The following MTMR9 variants were observed in gnomAD, a reference collection of about 807,000 sequenced individuals.
MTMR9 encodes the protein myotubularin related protein 9.
MTMR9 carries 39 observed loss-of-function variants against 69.5 expected under a neutral mutation model. That is an observed-to-expected ratio of 0.56 (90% CI 0.43 to 0.73). The LOEUF is 0.73. Ranked by LOEUF, MTMR9 falls within the 30% of genes least tolerant of loss-of-function variation. MTMR9 has a pLI of 0.00. For synonymous variants in MTMR9, 354 were observed against 240.8 expected, an observed-to-expected ratio of 1.47 and a Z score of -4.35; for missense variants, 900 against 671.2, an observed-to-expected ratio of 1.34 and a Z score of -3.77.
downstream of MTMR9, chr8:11,331,058 G>A (rs771975271): frequency 3.2e-6 from 5 of 1,547,586 alleles, no homozygotes; most frequent in Admixed American, 1.0e-4. Flanking sequence ...GGAGCTCTGA[G>A]GGGCCCAGGC....
intron 3 of MTMR9, among the ~76,000 whole-genome samples, chr8:11,301,053 A>C (rs1406844144): frequency 6.6e-6 from 1 of 152,230 alleles, no homozygotes; most frequent in Non-Finnish European, 1.5e-5. Context: ...CTTTATTTGC[A>C]GAAACAAGTA....
At chr8:11,317,986 G>T (rs978752350) in intron 8 of MTMR9, 9 of 151,990 alleles carry the variant, frequency 5.9e-5, no homozygotes, top group African/African-American at 2.2e-4. Context: ...ACTTAGAGGG[G>T]AGGATTAACT....
At chr8:11,298,688 T>C (rs1375081558) in intron 2 of MTMR9, 3 of 862,150 alleles carry the variant, frequency 3.5e-6, no homozygotes, top group Non-Finnish European at 4.2e-6. Flanking sequence ...GTTTGAATTA[T>C]GCTAATTGAT....
chr8:11,285,217 A>G (rs560202557), intron 1 of MTMR9, 147 bp downstream of exon 1: 23 of 774,994 alleles, frequency 3.0e-5, no homozygotes, highest in African/African-American at 2.9e-4. Context: ...AGGATTTACC[A>G]AGCTGAAACC....
chr8:11,289,353 C>G (rs1317307924), intron 1 of MTMR9, among the ~76,000 whole-genome samples: 1 of 152,216 alleles, frequency 6.6e-6, no homozygotes, highest in Non-Finnish European at 1.5e-5. Context: ...GGGCAAACTA[C>G]TTAACCTCGT....
the MTMR9 span, among the ~76,000 whole-genome samples, chr8:11,336,389 T>A: frequency 2.6e-5 from 4 of 152,246 alleles, no homozygotes; most frequent in Non-Finnish European, 5.9e-5. Context: ...TGTCAACGTG[T>A]CCACCTGATT....
Position 11,326,680 on chromosome 8 carries a change from A to G in MTMR9, c.*3892A>G, listed in dbSNP as rs1312196408. On this transcript the variant is annotated 3_prime_UTR_variant, in exon 10 of 10. Transcript: ENST00000221086. ...TTTTATGTTACCCATCATCTTTAAA[A>G]ACATTATAGGCTGGGCATGGTGGCT... 1 of 152,240 alleles carries G rather than the reference A, an allele frequency of 6.6e-6. No individual in the cohort carries two copies. Among genetic ancestry groups the G allele is most frequent in the African/African-American group, 2.4e-5 (1 of 41,456 alleles). 9.4% of individuals were successfully genotyped at this position (152,240 alleles called of 1,614,324 possible). A position where few individuals can be genotyped will look rare whatever the true frequency, so the allele number is the denominator to read the frequency against.
intron 3 of MTMR9, among the ~76,000 whole-genome samples, chr8:11,304,183 A>T (rs1013846195): frequency 1.3e-5 from 2 of 152,148 alleles, no homozygotes; most frequent in Non-Finnish European, 2.9e-5. Flanking sequence ...AAATTATTTC[A>T]TTGACTCCTA....
At position 11,324,146 on chromosome 8, in the gene MTMR9, C is replaced by G. The variant is rs552107779; in HGVS notation, c.*1358C>G. The G allele has an allele frequency of 1.3e-5, 2 of 152,252 alleles. No homozygotes were observed. Among genetic ancestry groups the G allele is most frequent in the East Asian group, 1.9e-4 (1 of 5,176 alleles). The allele number at this position is 152,252 out of a possible 1,614,324, so 9.4% of individuals were successfully genotyped here. ...TGTATATAACCATTTCGGTAGAGAA[C>G]ACACTACACTGAACCCTGCTTTAGA... On this transcript the variant is annotated 3_prime_UTR_variant, in exon 10 of 10. Transcript: ENST00000221086.
At chr8:11,337,305 A>G in the MTMR9 span, among the ~76,000 whole-genome samples, 1 of 152,204 alleles carries the variant, frequency 6.6e-6, no homozygotes, top group African/African-American at 2.4e-5. Flanking sequence ...CAAAATCCAA[A>G]AAGGGTCATG....
At chr8:11,296,101 A>G (rs547935129) in intron 2 of MTMR9, among the ~76,000 whole-genome samples, 1 of 68,770 alleles carries the variant, frequency 1.5e-5, no homozygotes, top group Non-Finnish European at 4.3e-5. Flanking sequence ...ATATTATTAC[A>G]TATATATATA....
chr8:11,288,039 T>G (rs1382143101), intron 1 of MTMR9, among the ~76,000 whole-genome samples: 3 of 125,390 alleles, frequency 2.4e-5, no homozygotes, highest in African/African-American at 8.9e-5. Flanking sequence ...ATAATATATA[T>G]TATATAATAC....
intron 6 of MTMR9, among the ~76,000 whole-genome samples, chr8:11,310,124 C>T (rs910628685): frequency 2.0e-5 from 3 of 152,126 alleles, no homozygotes; most frequent in Admixed American, 6.5e-5. Flanking sequence ...TTCTAACCTC[C>T]GGGATATCTT....
chr8:11,298,384 T>A (rs573768645), intron 2 of MTMR9, among the ~76,000 whole-genome samples: 51 of 150,378 alleles, frequency 3.4e-4, no homozygotes, highest in Middle Eastern at 3.4e-3. Context: ...GTAGGAAAAA[T>A]ATATATATAT....
intron 1 of MTMR9, among the ~76,000 whole-genome samples, chr8:11,293,073 A>T (rs1364775623): frequency 6.6e-6 from 1 of 152,216 alleles, no homozygotes; most frequent in Non-Finnish European, 1.5e-5. Flanking sequence ...AGGCATTATC[A>T]TCACAGGAAA....
intron 4 of MTMR9, 61 bp downstream of exon 4, chr8:11,305,075 G>A: frequency 6.6e-7 from 1 of 1,519,012 alleles, no homozygotes; most frequent in Non-Finnish European, 9.0e-7. Flanking sequence ...TCTTTTCGTA[G>A]AAATGTTCCC....
rs570149726 is a variant in MTMR9, at chr8:11,295,393, A to T, written c.291+91A>T. The T allele has an allele frequency of 5.3e-4, 425 of 804,082 alleles. 2 individuals are homozygous for T. Among genetic ancestry groups the T allele is most frequent in the Non-Finnish European group, 8.1e-4 (384 of 474,606 alleles). The allele number at this position is 804,082 out of a possible 1,614,324, so 49.8% of individuals were successfully genotyped here. On this transcript the variant is annotated intron_variant, in intron 2 of 9. Coordinates refer to ENST00000221086, the MANE Select transcript of MTMR9 (RefSeq NM_015458.4). ...CATTTCTTCATTAGATAATTTAGTC[A>T]TGTTCTCTGACTCAAATACTGAAGA...
chr8:11,287,639 G>A (rs1799209331), intron 1 of MTMR9, among the ~76,000 whole-genome samples: 1 of 145,586 alleles, frequency 6.9e-6, no homozygotes. Context: ...GGACAATCAA[G>A]CAAGTCCAGA....
the MTMR9 span, among the ~76,000 whole-genome samples, chr8:11,338,025 A>T: frequency 6.6e-6 from 1 of 152,220 alleles, no homozygotes; most frequent in Non-Finnish European, 1.5e-5. Context: ...GTCCAAGGAG[A>T]ACATGTCTGG....
Sources: gnomAD v4.1 joint callset for allele counts (sites outside exome capture counted in the v4.1 genomes callset) on GRCh38, gnomAD v4.1.1 for gene constraint, MANE v1.5 for transcripts, NCBI Gene and HGNC (gene_info 2026-07-23, HGNC 2026-07-21) for gene names.